The following F5 variants were observed in gnomAD, a reference collection of about 807,000 sequenced individuals.
The protein encoded by F5 is coagulation factor V.
F5 carries 138 observed loss-of-function variants against 216.4 expected under a neutral mutation model. That is an observed-to-expected ratio of 0.64 (90% CI 0.56 to 0.73). The LOEUF (loss-of-function observed/expected upper bound fraction) is 0.73, where lower values mean the gene tolerates loss of function less well. Ranked by LOEUF, F5 falls within the 30% of genes least tolerant of loss-of-function variation. The pLI is 0.00. For missense variants in F5, 2,403 were observed against 2,674.0 expected, an observed-to-expected ratio of 0.90 and a Z score of 2.24; for synonymous variants, 916 against 930.7, an observed-to-expected ratio of 0.98 and a Z score of 0.29.
chr1:169,559,260 T>C lies in F5; in HGVS notation c.623A>G (p.Asp208Gly), dbSNP rs1337508009. 3.7e-6 allele frequency: 6 copies of C among 1,613,850 alleles called. No homozygotes were observed. Among genetic ancestry groups the C allele is most frequent in the Middle Eastern group, 1.6e-4 (1 of 6,062 alleles). ...LTEGGTQKTF[D>G]KQIVLLFAVF... ...AGCAAATAGTAGCACGATTTGCTTG[T>C]CAAACGTCTTCTGTGTCCCACCCTC... is the stretch of plus-strand genomic sequence containing the variant. The change falls in exon 5 of 25, where the codon GAC becomes GGC. Residue 208 changes from aspartate to glycine, a missense_variant. By Grantham distance (94) the Asp-to-Gly change is moderately conservative (BLOSUM62 -1). Coordinates refer to ENST00000367797, the MANE Select transcript of F5 (RefSeq NM_000130.5).
At chr1:169,570,551 A>T (rs527250726) in intron 3 of F5, among the ~76,000 whole-genome samples, 120 of 152,236 alleles carry the variant, frequency 7.9e-4, no homozygotes, top group African/African-American at 2.7e-3. Context: ...TGCCACAGTT[A>T]ATGCTTCATT....
intron 8 of F5, among the ~76,000 whole-genome samples, chr1:169,551,711 G>C (rs1399278823): frequency 2.6e-5 from 4 of 152,140 alleles, no homozygotes; most frequent in Non-Finnish European, 5.9e-5. Context: ...TCTTCTATTT[G>C]GTTGATTGTC....
In F5 at chr1:169,530,951, T is replaced by G. The variant is rs987542246; in HGVS notation, c.5043A>C (p.Ser1681=). ...AGTCATCTTCATAAGTCTTTCCCTC[T>G]GATGATTTTTCATAGGAAAGTCCAT... ...HAHGLSYEKS[S]EGKTYEDDSP... Residue 1681 remains serine, a synonymous_variant, in exon 15 of 25, where the codon TCA becomes TCC. Transcript: ENST00000367797. 1.9e-5 allele frequency: 30 copies of G among 1,613,798 alleles called. No individual in the cohort carries two copies. Among genetic ancestry groups the G allele is most frequent in the Non-Finnish European group, 2.5e-5 (30 of 1,179,858 alleles).
In F5 at chr1:169,586,303, C is replaced by T. The variant is rs764411860; in HGVS notation, c.84G>A (p.Ala28=). 6 of 1,614,044 alleles carry T rather than the reference C, an allele frequency of 3.7e-6. No homozygotes were observed. Among genetic ancestry groups the T allele is most frequent in the African/African-American group, 2.7e-5 (2 of 74,936 alleles). Residue 28 remains alanine, a synonymous_variant, in exon 1 of 25, where the codon GCG becomes GCA. Coordinates refer to ENST00000367797, the MANE Select transcript of F5 (RefSeq NM_000130.5). ...CCACGTAGAACTGCCTTAGCTGTGC[C>T]GCTTCTGTCCCTTGGCTCCCCCAGC... ...WVGWGSQGTE[A]AQLRQFYVAA...
rs1272382230 is a variant in F5, at chr1:169,513,823, A to G, written c.*490T>C. On this transcript the variant is annotated 3_prime_UTR_variant, in exon 25 of 25. Transcript: ENST00000367797. ...ATGGAAAGTCAGAAAAATCATTGTT[A>G]TATGGGAAAGACAGGATATTTTAAG... Among the ~76,000 whole-genome samples the G allele has an allele frequency of 3.3e-5, 5 of 152,080 alleles. No individual in the cohort carries two copies. The highest frequency in any genetic ancestry group is 1.5e-5 in the Non-Finnish European group (1 of 68,004).
Position 169,580,395 on chromosome 1 carries a change from T to G in F5, c.250+2036A>C, listed in dbSNP as rs915588832. On this transcript the variant is annotated intron_variant, in intron 2 of 24. Transcript: ENST00000367797. ...TTTGTTGTTGTTGTTGTTGTTTTTT[T>G]TTTTTTGAGATAGAGTTTCGCTCTG... Among the ~76,000 whole-genome samples the G allele has an allele frequency of 8.9e-3, 1,357 of 152,022 alleles. 21 individuals are homozygous for G. The highest frequency in any genetic ancestry group is 0.031 in the African/African-American group (1,289 of 41,486).
intron 22 of F5, among the ~76,000 whole-genome samples, chr1:169,519,038 C>T (rs891368089): frequency 6.6e-6 from 1 of 152,150 alleles, no homozygotes; most frequent in African/African-American, 2.4e-5. Flanking sequence ...TCTGTTTCAA[C>T]CCTTAGAGGG....
At chr1:169,580,391 T>TTG (rs1557934906) in intron 2 of F5, among the ~76,000 whole-genome samples, 131 of 148,678 alleles carry the variant, frequency 8.8e-4, no homozygotes, top group African/African-American at 3.1e-3. Context: ...TGTTGTTGTT[T>TTG]TTTTTTTTTT....
chr1:169,523,467 T>C, intron 20 of F5, 115 bp from the exon 21 acceptor site: 1 of 1,224,236 alleles, frequency 8.2e-7, no homozygotes, highest in South Asian at 1.3e-5. Flanking sequence ...CATAAGATCT[T>C]AGCAAACTGA....
At position 169,541,318 on chromosome 1, in the gene F5, G is replaced by C; in HGVS notation, c.3772C>G (p.Leu1258Val). Residue 1258 changes from leucine (L) to valine (V), a missense_variant, in exon 13 of 25, where the codon CTC becomes GTC. Around this residue, in one of 4 missense-constraint regions of F5, gnomAD observed 1,425 missense variants for 1,554.8 expected, o/e 0.92. Coordinates refer to ENST00000367797, the MANE Select transcript of F5 (RefSeq NM_000130.5). The part of the protein sequence containing the change: ...TLSLDLSQTN[L>V]SPELSQTNLS... ...TTTGTCTGACTGAGTTCTGGAGAGA[G>C]GTTTGTCTGGCTGAGGTCTAAAGAA... is the stretch of plus-strand genomic sequence containing the variant. 6.4e-7 allele frequency: 1 copy of C among 1,574,732 alleles called. No homozygotes were observed.
intron 3 of F5, among the ~76,000 whole-genome samples, chr1:169,568,579 T>A (rs1171565229): frequency 6.6e-6 from 1 of 152,110 alleles, no homozygotes; most frequent in Non-Finnish European, 1.5e-5. Context: ...AGAAGAGAAA[T>A]GGACAGGGAC....
intron 2 of F5, among the ~76,000 whole-genome samples, chr1:169,576,904 C>T (rs903277291): frequency 1.3e-5 from 2 of 152,158 alleles, no homozygotes; most frequent in Non-Finnish European, 2.9e-5. Flanking sequence ...CCTAATAAGA[C>T]CTATTACTTC....
rs754104059 is a variant in F5, at chr1:169,529,619, T to C, written c.5408A>G (p.His1803Arg). The change falls in exon 16 of 25, where the codon CAT becomes CGT. Residue 1803 changes from histidine (H) to arginine (R), a missense_variant. Coordinates refer to ENST00000367797, the MANE Select transcript of F5 (RefSeq NM_000130.5). ...TCTGAGGAAAATACCGTGAAACTCATGGGATTTTTTCATTTCTGAGGATGT... is the reference window on the plus strand; with the variant it reads ...TCTGAGGAAAATACCGTGAAACTCACGGGATTTTTTCATTTCTGAGGATGT... Reference protein sequence around the residue: ...RLTSSEMKKSHEFHAINGMIY... With the variant: ...RLTSSEMKKSREFHAINGMIY... 9.2e-5 allele frequency: 149 copies of C among 1,613,322 alleles called. No homozygotes were observed. Among genetic ancestry groups the C allele is most frequent in the Non-Finnish European group, 1.2e-4 (140 of 1,179,514 alleles).
At chr1:169,543,223 T>C in intron 12 of F5, 109 bp from the exon 13 acceptor site, 2 of 996,034 alleles carry the variant, frequency 2.0e-6, no homozygotes, top group East Asian at 5.0e-5. Flanking sequence ...GTCAGGAATA[T>C]TCAAGTATGG....
intron 1 of F5, 31 bp from the exon 2 acceptor site, chr1:169,582,553 A>C (rs967939227): frequency 8.2e-7 from 1 of 1,222,936 alleles, no homozygotes; most frequent in Admixed American, 1.8e-5. Context: ...CTAATTTGAA[A>C]GGCATATTCA....
intron 2 of F5, 102 bp from the exon 3 acceptor site, chr1:169,572,445 C>T: frequency 7.1e-7 from 1 of 1,410,622 alleles, no homozygotes; most frequent in Non-Finnish European, 9.9e-7. Flanking sequence ...TGATTGCTAC[C>T]ATTCCTCCTG....
chr1:169,534,149 T>C (rs565128090), intron 14 of F5, among the ~76,000 whole-genome samples: 1 of 152,220 alleles, frequency 6.6e-6, no homozygotes, highest in East Asian at 1.9e-4. Context: ...GCTCAATCAA[T>C]CACGACCCAC....
At position 169,527,897 on chromosome 1, in the gene F5, C is replaced by G; in HGVS notation, c.5599+18G>C. 6.2e-7 allele frequency: 1 copy of G among 1,612,658 alleles called. No homozygotes were observed. The highest frequency in any genetic ancestry group is 8.5e-7 in the Non-Finnish European group (1 of 1,179,546). Reference sequence around the variant, plus strand: ...TGTATTTCTTAGCAGGGACCTCTTCCCATTACCCAATCTTTACCAGGCAGA... The same window carrying G: ...TGTATTTCTTAGCAGGGACCTCTTCGCATTACCCAATCTTTACCAGGCAGA... On this transcript the variant is annotated intron_variant, in intron 17 of 24. Coordinates refer to ENST00000367797, the MANE Select transcript of F5 (RefSeq NM_000130.5).
Position 169,514,452 on chromosome 1 carries a change from T to G in F5, c.6536A>C (p.Glu2179Ala), listed in dbSNP as rs200126811. The G allele has an allele frequency of 3.7e-6, 6 of 1,612,630 alleles. No homozygotes were observed. Among genetic ancestry groups the G allele is most frequent in the Non-Finnish European group, 5.1e-6 (6 of 1,179,256 alleles). Residue 2179 changes from glutamate (E) to alanine (A), a missense_variant, in exon 25 of 25, where the codon GAA becomes GCA. Coordinates refer to ENST00000367797, the MANE Select transcript of F5 (RefSeq NM_000130.5). ...LKSSMVDKIF[E>A]GNTNTKGHVK... is the part of the protein sequence containing the mutation. ...ATGTCCTTTGGTATTAGTATTTCCT[T>G]CAAAAATCTGAAAGCCAAATAAGAG...
Sources: gnomAD v4.1 joint callset for allele counts (sites outside exome capture counted in the v4.1 genomes callset) on GRCh38, gnomAD v4.1.1 for gene constraint, gnomAD v4.1.1 regional missense constraint, MANE v1.5 for transcripts, NCBI Gene and HGNC (gene_info 2026-07-23, HGNC 2026-07-21) for gene names.